DCAF13: variants seen among roughly 807,000 people sequenced by gnomAD.
DCAF13 encodes the protein DDB1- and CUL4-associated factor 13.
DCAF13 carries 38 observed loss-of-function variants against 59.0 expected under a neutral mutation model. The ratio of observed to expected loss-of-function variants is 0.64; its 90% CI spans 0.50 to 0.84. DCAF13 has a LOEUF of 0.84. Among genes scored for constraint, DCAF13 ranks in the 40% least tolerant of loss-of-function variants. DCAF13 has a pLI of 0.00. For missense variants in DCAF13, 469 were observed against 558.4 expected (o/e 0.84, Z 1.61); for synonymous variants, 173 against 175.0 (o/e 0.99, Z 0.09).
intron 5 of DCAF13, chr8:103,428,810 A>C (rs542963030): frequency 6.6e-6 from 1 of 152,186 alleles, no homozygotes; most frequent in Non-Finnish European, 1.5e-5. Flanking sequence ...CTGTGTCAGA[A>C]GAGCCGATCA....
At chr8:103,418,138 G>GA (rs778860828) in intron 1 of DCAF13, among the ~76,000 whole-genome samples, 5 of 147,310 alleles carry the variant, frequency 3.4e-5, no homozygotes, top group East Asian at 2.0e-4. Flanking sequence ...AAAAAAAAAA[G>GA]AAAAAAAAAG....
In DCAF13 at chr8:103,415,500, G is replaced by A; in HGVS notation, c.54G>A (p.Lys18=). Reference sequence around the variant, plus strand: ...CGGACAATTATGTCCGCGAAACCAAGTTGGACTTACAGAGAGGTAAGATAA... The same window carrying A: ...CGGACAATTATGTCCGCGAAACCAAATTGGACTTACAGAGAGGTAAGATAA... ...RNPDNYVRET[K]LDLQRVPRNY... is the part of the protein sequence containing the mutation. The change falls in exon 1 of 11, where the codon AAG becomes AAA. Residue 18 remains lysine, a synonymous_variant. Coordinates refer to ENST00000612750, the MANE Select transcript of DCAF13 (RefSeq NM_015420.7). 3 of 1,611,860 alleles carry A rather than the reference G, an allele frequency of 1.9e-6. No individual in the cohort carries two copies. Among genetic ancestry groups the A allele is most frequent in the Non-Finnish European group, 2.5e-6 (3 of 1,178,442 alleles).
chr8:103,419,232 C>T (rs1012110175), intron 1 of DCAF13, among the ~76,000 whole-genome samples: 2 of 152,014 alleles, frequency 1.3e-5, no homozygotes, highest in African/African-American at 4.8e-5. Context: ...CGTATCAGGA[C>T]AGTTAAAACA....
At chr8:103,427,388 A>G (rs944214292) in intron 5 of DCAF13, 136 bp downstream of exon 5, 2 of 753,890 alleles carry the variant, frequency 2.7e-6, no homozygotes, top group Non-Finnish European at 2.2e-6. Flanking sequence ...TCCCGATTGT[A>G]AATGAGTTCT....
chr8:103,433,394 G>A (rs992390248), intron 7 of DCAF13, among the ~76,000 whole-genome samples: 5 of 152,146 alleles, frequency 3.3e-5, no homozygotes, highest in African/African-American at 9.6e-5. Context: ...ATATTAAAGC[G>A]GGGAGATTAG....
At chr8:103,441,203 C>G in intron 9 of DCAF13, 1 of 359,848 alleles carries the variant, frequency 2.8e-6, no homozygotes, top group Non-Finnish European at 5.0e-6. Context: ...TCCACGTGGC[C>G]CTACTCCTTC....
rs1031557958 is a variant in DCAF13, at chr8:103,440,278, G to T, written c.1086+7G>T. On this transcript the variant is annotated splice_region_variant and intron_variant, in intron 9 of 10. Coordinates refer to ENST00000612750, the MANE Select transcript of DCAF13 (RefSeq NM_015420.7). ...TTCTGAAAAATTGGGTGTGGTAAGA[G>T]AATTCATTTTCTTTCATTGTCATAA... 3 of 1,561,172 alleles carry T rather than the reference G, an allele frequency of 1.9e-6. No individual in the cohort carries two copies. Among genetic ancestry groups the T allele is most frequent in the Non-Finnish European group, 2.6e-6 (3 of 1,159,482 alleles).
intron 5 of DCAF13, chr8:103,427,562 T>G (rs1187805736): frequency 2.9e-6 from 1 of 349,692 alleles, no homozygotes; most frequent in Non-Finnish European, 5.1e-6. Flanking sequence ...CAACTTCATG[T>G]TCCATAGATT....
Position 103,442,870 on chromosome 8 carries a change from A to C in DCAF13, c.1326A>C (p.Ala442=), listed in dbSNP as rs569704782. 13 of 1,604,416 alleles carry C rather than the reference A, an allele frequency of 8.1e-6. No individual in the cohort carries two copies. In the South Asian group the frequency reaches 1.3e-4, roughly 16 times the overall value. ...LVSEKKKHVV[A]VVK ...CAGAGAAGAAGAAACACGTAGTGGC[A>C]GTTGTAAAATAATTGGTATTCCTAA... Residue 442 remains alanine (A), a synonymous_variant, in exon 11 of 11, where the codon GCA becomes GCC. Coordinates refer to ENST00000612750, the MANE Select transcript of DCAF13 (RefSeq NM_015420.7).
At chr8:103,416,730 G>A (rs1816621980) in intron 1 of DCAF13, among the ~76,000 whole-genome samples, 1 of 152,168 alleles carries the variant, frequency 6.6e-6, no homozygotes, top group African/African-American at 2.4e-5. Context: ...CTCCAAAAAG[G>A]GGAAGAATCA....
At chr8:103,426,483 G>A (rs1816794606) in intron 4 of DCAF13, among the ~76,000 whole-genome samples, 1 of 151,926 alleles carries the variant, frequency 6.6e-6, no homozygotes, top group Non-Finnish European at 1.5e-5. Flanking sequence ...TGTCATCATA[G>A]ATCTTACACA....
intron 8 of DCAF13, among the ~76,000 whole-genome samples, chr8:103,437,398 A>G (rs558951765): frequency 5.3e-5 from 8 of 152,344 alleles, no homozygotes; most frequent in South Asian, 2.1e-4. Context: ...GTAGTTACCT[A>G]TGATCCCAAG....
intron 1 of DCAF13, among the ~76,000 whole-genome samples, chr8:103,415,763 G>C (rs1161394551): frequency 1.3e-5 from 2 of 152,156 alleles, no homozygotes; most frequent in African/African-American, 2.4e-5. Flanking sequence ...GTCTATAGTG[G>C]AGAAAAATTC....
At chr8:103,427,456 T>G (rs151133774) in intron 5 of DCAF13, 1 of 575,610 alleles carries the variant, frequency 1.7e-6, no homozygotes, top group Non-Finnish European at 3.1e-6. Context: ...GATACTAGAG[T>G]TAAGCATTGT....
At chr8:103,416,879 A>C (rs1816625773) in intron 1 of DCAF13, among the ~76,000 whole-genome samples, 1 of 152,198 alleles carries the variant, frequency 6.6e-6, no homozygotes, top group Admixed American at 6.5e-5. Flanking sequence ...GGGGTTTTTA[A>C]ACTTCTGTTG....
chr8:103,426,966 A>G (rs777762066), intron 4 of DCAF13, 131 bp from the exon 5 acceptor site: 6 of 610,280 alleles, frequency 9.8e-6, no homozygotes, highest in Non-Finnish European at 1.6e-5. Context: ...TTAAGTAAGG[A>G]CTTCAAAGAA....
chr8:103,420,635 A>G, intron 2 of DCAF13, 172 bp downstream of exon 2: 2 of 641,156 alleles, frequency 3.1e-6, no homozygotes, highest in Non-Finnish European at 5.3e-6. Flanking sequence ...CTAAGAAATT[A>G]TAAATGCAGT....
chr8:103,430,298 A>G (rs561184656), intron 5 of DCAF13: 46 of 166,840 alleles, frequency 2.8e-4, no homozygotes, highest in African/African-American at 1.1e-3. Flanking sequence ...AGGCTGAGGC[A>G]TGAGAATTGC....
intron 1 of DCAF13, 61 bp from the exon 2 acceptor site, chr8:103,420,203 C>T: frequency 6.9e-7 from 1 of 1,455,266 alleles, no homozygotes; most frequent in Non-Finnish European, 9.6e-7. Context: ...GAGTGATTAG[C>T]TGAGGAAGAC....
Sources: gnomAD v4.1 joint callset for allele counts (sites outside exome capture counted in the v4.1 genomes callset) on GRCh38, gnomAD v4.1.1 for gene constraint, MANE v1.5 for transcripts, NCBI Gene and HGNC (gene_info 2026-07-23, HGNC 2026-07-21) for gene names.